Variants in SEPTIN9 observed in about 807,000 individuals in gnomAD.
SEPTIN9 encodes septin 9.
In SEPTIN9, 13 loss-of-function variants were observed where a neutral mutation model predicts 56.6. That is an observed-to-expected ratio of 0.23 (90% CI 0.15 to 0.37). SEPTIN9 has a LOEUF of 0.37. Among genes scored for constraint, SEPTIN9 ranks in the 10% least tolerant of loss-of-function variants. The probability of loss-of-function intolerance (pLI) is 1.00; values close to 1 mark genes in which losing one functional copy is unlikely to be tolerated. For missense variants in SEPTIN9, 650 were observed against 823.1 expected (o/e 0.79, Z 2.57); for synonymous variants, 332 against 334.1 (o/e 0.99, Z 0.07).
chr17:77,451,326 T>A lies in SEPTIN9; in HGVS notation c.722-30818T>A. ...CCCCCTCCTCCTGCTCCCCTCGCCC[T>A]GCCCCCTTGGAGCAATTCCCCACCG... On this transcript the variant is annotated intron_variant, in intron 3 of 11. Coordinates refer to ENST00000427177, the MANE Select transcript of SEPTIN9 (RefSeq NM_001113491.2). This position sits in a 1 kb window ranked among gnomAD's most constrained non-coding sequence, Gnocchi z 4.2. The A allele has an allele frequency of 4.1e-6, 4 of 981,122 alleles. No homozygotes were observed. The highest frequency in any genetic ancestry group is 4.8e-6 in the Non-Finnish European group (4 of 825,664). 60.8% of individuals were successfully genotyped at this position (981,122 alleles called of 1,614,324 possible).
Position 77,319,441 on chromosome 17 carries a change from C to T in SEPTIN9, c.76+12244C>T. On this transcript the variant is annotated intron_variant, in intron 2 of 11. Transcript: ENST00000427177. This position sits in a 1 kb window ranked among gnomAD's most constrained non-coding sequence, Gnocchi z 5.3. ...GGGGACGGCTAGAGACTCACTGACT[C>T]ATGCGTGTGTGGTAGGAATCTTCCA... is the stretch of plus-strand genomic sequence containing the variant. 1 of 595,582 alleles carries T rather than the reference C, an allele frequency of 1.7e-6. No individual in the cohort carries two copies. Among genetic ancestry groups the T allele is most frequent in the Non-Finnish European group, 2.2e-6 (1 of 462,584 alleles). The allele number at this position is 595,582 out of a possible 1,614,324, so 36.9% of individuals were successfully genotyped here. A position where few individuals can be genotyped will look rare whatever the true frequency, so the allele number is the denominator to read the frequency against.
chr17:77,499,291 T>A lies in SEPTIN9; in HGVS notation c.*633T>A. The A allele has an allele frequency of 1.7e-6, 1 of 597,918 alleles. No individual in the cohort carries two copies. Among genetic ancestry groups the A allele is most frequent in the Non-Finnish European group, 3.2e-6 (1 of 308,950 alleles). The allele number at this position is 597,918 out of a possible 1,614,324, so 37.0% of individuals were successfully genotyped here. On this transcript the variant is annotated 3_prime_UTR_variant, in exon 12 of 12. Coordinates refer to ENST00000427177, the MANE Select transcript of SEPTIN9 (RefSeq NM_001113491.2). ...CCCCTCCTGGAGCAGAAAGTGCCTT[T>A]ATCTCAGCCATCCGCAGACTGCTTG...
At chr17:77,462,787 G>T (rs1430650013) in intron 3 of SEPTIN9, among the ~76,000 whole-genome samples, 1 of 152,104 alleles carries the variant, frequency 6.6e-6, no homozygotes, top group Non-Finnish European at 1.5e-5. Context: ...GACTACAGGC[G>T]TGTGCCACCA....
At chr17:77,399,780 ACAGC>A (rs2035842557) in intron 2 of SEPTIN9, among the ~76,000 whole-genome samples, 2 of 152,156 alleles carry the variant, frequency 1.3e-5, no homozygotes, top group African/African-American at 4.8e-5. Flanking sequence ...GAATCAGAAC[ACAGC>A]CAGCAGTTTG....
At chr17:77,463,435 A>T (rs993911826) in intron 3 of SEPTIN9, among the ~76,000 whole-genome samples, 1 of 152,150 alleles carries the variant, frequency 6.6e-6, no homozygotes, top group Non-Finnish European at 1.5e-5. Context: ...GCCGGGAAGT[A>T]TCTTGCTTTT....
chr17:77,401,123 T>G (rs533567960), intron 2 of SEPTIN9, among the ~76,000 whole-genome samples: 108 of 152,272 alleles, frequency 7.1e-4, no homozygotes, highest in Non-Finnish European at 1.4e-3. Flanking sequence ...ATCAGCCTGA[T>G]GTACAGTCTG....
chr17:77,284,917 C>A (rs2031208677), intron 1 of SEPTIN9, among the ~76,000 whole-genome samples: 2 of 152,252 alleles, frequency 1.3e-5, no homozygotes, highest in South Asian at 4.1e-4. Context: ...CATGAGCCAC[C>A]ACGCCCAGCC....
rs1448761344 is a variant in SEPTIN9, at chr17:77,329,016, G to T, written c.76+21819G>T. On this transcript the variant is annotated intron_variant, in intron 2 of 11. Transcript: ENST00000427177. The surrounding 1 kb of genome is among the most constrained non-coding windows in gnomAD (Gnocchi z 4.3). Reference sequence around the variant, plus strand: ...GGAAACAGCAGGTGTGAAGGCCCGAGGCTGGAGCCTGGGGAAGGTGGGAGT... The same window carrying T: ...GGAAACAGCAGGTGTGAAGGCCCGATGCTGGAGCCTGGGGAAGGTGGGAGT... Among the ~76,000 whole-genome samples, 1 of 152,242 alleles carries T rather than the reference G, an allele frequency of 6.6e-6. No homozygotes were observed. The highest frequency in any genetic ancestry group is 2.4e-5 in the African/African-American group (1 of 41,462).
rs116840128 is a variant in SEPTIN9 at position 77,448,199 on chromosome 17, G to A, written c.722-33945G>A. 6.2e-3 allele frequency among the ~76,000 whole-genome samples: 949 copies of A among 152,282 alleles called. 10 individuals are homozygous for A. Among genetic ancestry groups the A allele is most frequent in the African/African-American group, 0.022 (915 of 41,560 alleles). ...AAATTGAGACTATCCGAGGATGGGC[G>A]TGGTGGCTCACGCGTGTAATCTCAG... On this transcript the variant is annotated intron_variant, in intron 3 of 11. Coordinates refer to ENST00000427177, the MANE Select transcript of SEPTIN9 (RefSeq NM_001113491.2).
Position 77,459,886 on chromosome 17 carries a change from C to T in SEPTIN9, c.722-22258C>T, listed in dbSNP as rs954618041. On this transcript the variant is annotated intron_variant, in intron 3 of 11. Transcript: ENST00000427177. ...AGAGATGGGGTTTCACCATGTTGGT[C>T]GGGCTGGTCCCAAACTCCTAACCTT... Among the ~76,000 whole-genome samples, 17 of 152,214 alleles carry T rather than the reference C, an allele frequency of 1.1e-4. 1 individual carries two copies. In the East Asian group the frequency reaches 1.2e-3, roughly 10 times the overall value.
chr17:77,345,328 T>C (rs980124368), intron 2 of SEPTIN9, among the ~76,000 whole-genome samples: 8 of 152,194 alleles, frequency 5.3e-5, no homozygotes, highest in Admixed American at 2.0e-4. Context: ...GATGGATACT[T>C]TAAGGCATGT....
rs541917222 is a variant in SEPTIN9, at chr17:77,488,262, G to T, written c.1065G>T (p.Arg355=). ...ITHDIEEKGV[R]MKLTVIDTPG... is the part of the protein sequence containing the mutation. ...CAGATATTGAGGAGAAAGGCGTCCG[G>T]ATGAAGCTGACAGTGATTGACACAC... The change falls in exon 6 of 12, where the codon CGG becomes CGT. Residue 355 remains arginine, a synonymous_variant. Coordinates refer to ENST00000427177, the MANE Select transcript of SEPTIN9 (RefSeq NM_001113491.2). 20 of 1,613,786 alleles carry T rather than the reference G, an allele frequency of 1.2e-5. No individual in the cohort carries two copies. In the South Asian group the frequency reaches 2.2e-4, roughly 18 times the overall value.
intron 2 of SEPTIN9, chr17:77,322,708 C>G: frequency 6.6e-6 from 1 of 152,322 alleles, no homozygotes; most frequent in Non-Finnish European, 1.5e-5. Flanking sequence ...AGGCAGCGCC[C>G]CCACCTCCTG....
intron 2 of SEPTIN9, chr17:77,375,944 G>T: frequency 4.2e-6 from 1 of 239,654 alleles, no homozygotes; most frequent in Non-Finnish European, 6.8e-6. Context: ...GGACAACCTT[G>T]GGTGGACAGA....
chr17:77,497,164 G>T lies in SEPTIN9; in HGVS notation c.1574-151G>T, dbSNP rs145843503. On this transcript the variant is annotated intron_variant, in intron 10 of 11. Transcript: ENST00000427177. ...AGTGCCAGGTGTCCTATACTCAGCT[G>T]CAGAGCAGGTGGTTCCCCTGCCCTC... The T allele has an allele frequency of 4.6e-4, 343 of 750,230 alleles. 3 individuals are homozygous for T. In the African/African-American group the frequency reaches 5.2e-3, roughly 11 times the overall value. 46.5% of individuals were successfully genotyped at this position (750,230 alleles called of 1,614,324 possible).
chr17:77,496,509 A>G lies in SEPTIN9; in HGVS notation c.1574-806A>G, dbSNP rs1218093703. ...CCTCCTTGTTAAAAGGCCTTCTGTT[A>G]TATAACAGTTACACATGCCAGGCAC... On this transcript the variant is annotated intron_variant, in intron 10 of 11. Transcript: ENST00000427177. 3.3e-5 allele frequency: 5 copies of G among 152,160 alleles called. No homozygotes were observed. In the East Asian group the frequency reaches 9.6e-4, roughly 29 times the overall value. 9.4% of individuals were successfully genotyped at this position (152,160 alleles called of 1,614,324 possible).
chr17:77,313,535 A>G lies in SEPTIN9; in HGVS notation c.76+6338A>G, dbSNP rs1248637102. ...GAATGCAGCTGGCCTCAGCCTGGGA[A>G]TCCGTCTTGCTTGGGAGGCTGTAGG... On this transcript the variant is annotated intron_variant, in intron 2 of 11. Coordinates refer to ENST00000427177, the MANE Select transcript of SEPTIN9 (RefSeq NM_001113491.2). This position sits in a 1 kb window ranked among gnomAD's most constrained non-coding sequence, Gnocchi z 4.5. Among the ~76,000 whole-genome samples the G allele has an allele frequency of 6.6e-6, 1 of 152,086 alleles. No homozygotes were observed. Among genetic ancestry groups the G allele is most frequent in the East Asian group, 1.9e-4 (1 of 5,180 alleles).
chr17:77,401,946 C>G, intron 2 of SEPTIN9, 113 bp from the exon 3 acceptor site: 1 of 1,064,546 alleles, frequency 9.4e-7, no homozygotes, highest in Non-Finnish European at 1.4e-6. Flanking sequence ...AAGAGACCCC[C>G]GGCCCTCACC....
intron 1 of SEPTIN9, among the ~76,000 whole-genome samples, chr17:77,285,258 G>A (rs915637761): frequency 6.6e-5 from 10 of 152,052 alleles, no homozygotes; most frequent in South Asian, 2.1e-4. Flanking sequence ...GGAACTTGCC[G>A]TCATTCCCAG....
Sources: allele counts gnomAD v4.1 joint callset (sites outside exome capture counted in the v4.1 genomes callset), GRCh38; gene constraint gnomAD v4.1.1; non-coding constraint Gnocchi (gnomAD v3.1); transcripts MANE v1.5; gene names NCBI Gene and HGNC (gene_info 2026-07-23, HGNC 2026-07-21).